Variants in LRRC4C observed in about 807,000 individuals in gnomAD.
LRRC4C encodes leucine-rich repeat-containing protein 4C.
A neutral mutation model predicts 33.6 loss-of-function variants in LRRC4C; 5 were observed. That is an observed-to-expected ratio of 0.15 (90% confidence interval 0.08 to 0.31). The LOEUF is 0.31. Among genes scored for constraint, LRRC4C ranks in the 10% least tolerant of loss-of-function variants. The pLI is 1.00. For synonymous variants in LRRC4C, 329 were observed against 302.0 expected, an observed-to-expected ratio of 1.09 and a Z score of -0.93; for missense variants, 560 against 796.7, an observed-to-expected ratio of 0.70 and a Z score of 3.58.
At chr11:41,111,277 A>G (rs967807207) in intron 1 of LRRC4C, among the ~76,000 whole-genome samples, 2 of 152,068 alleles carry the variant, frequency 1.3e-5, no homozygotes, top group African/African-American at 4.8e-5. Context: ...GCCTCTTTGC[A>G]GCTGTAAGTA....
chr11:40,701,278 T>C (rs2136487765), intron 2 of LRRC4C, among the ~76,000 whole-genome samples: 1 of 152,258 alleles, frequency 6.6e-6, no homozygotes, highest in South Asian at 2.1e-4. Context: ...TAAAGTTCTT[T>C]GATTATTTCC....
At chr11:40,441,261 G>A (rs902177816) in intron 3 of LRRC4C, among the ~76,000 whole-genome samples, 5 of 152,260 alleles carry the variant, frequency 3.3e-5, no homozygotes, top group South Asian at 4.1e-4. Context: ...TTGCTCAACT[G>A]CTCTCTTTGA....
chr11:40,514,046 T>C (rs558711186), intron 3 of LRRC4C, among the ~76,000 whole-genome samples: 2 of 152,278 alleles, frequency 1.3e-5, no homozygotes, highest in South Asian at 2.1e-4. Context: ...TATGTTCTTT[T>C]TTCTTTCTTT....
chr11:40,115,297 A>G lies in LRRC4C; in HGVS notation c.996T>C (p.Thr332=), dbSNP rs747563305. The change falls in exon 7 of 7, where the codon ACT becomes ACC. Residue 332 remains threonine (T), a synonymous_variant. Coordinates refer to ENST00000528697, the MANE Select transcript of LRRC4C (RefSeq NM_001258419.2). This position sits in a 1 kb window ranked among gnomAD's most constrained non-coding sequence, Gnocchi z 6.7. ...TGTACCTCCCCTTTAGATTGGGAGG[A>G]GTGTTACACCGGGCACAACAAGCTG... The part of the protein sequence containing the change: ...SNTACCARCN[T]PPNLKGRYIG... 6.2e-7 allele frequency: 1 copy of G among 1,614,058 alleles called. No homozygotes were observed.
chr11:40,833,466 A>T (rs1416900556), intron 2 of LRRC4C, among the ~76,000 whole-genome samples: 1 of 152,164 alleles, frequency 6.6e-6, no homozygotes, highest in Non-Finnish European at 1.5e-5. Flanking sequence ...TAATATAAAA[A>T]GTATCAATGA....
chr11:40,758,908 T>C (rs1028809680), intron 2 of LRRC4C, among the ~76,000 whole-genome samples: 1 of 151,786 alleles, frequency 6.6e-6, no homozygotes, highest in African/African-American at 2.4e-5. Flanking sequence ...AAATTCAGGA[T>C]CACAGAAAGA....
At chr11:40,814,536 G>A (rs1325194086) in intron 2 of LRRC4C, among the ~76,000 whole-genome samples, 1 of 152,034 alleles carries the variant, frequency 6.6e-6, no homozygotes, top group Non-Finnish European at 1.5e-5. Flanking sequence ...CCATTGTCTT[G>A]GTGATTCACA....
chr11:40,505,044 C>T (rs1462023680), intron 3 of LRRC4C, among the ~76,000 whole-genome samples: 1 of 151,974 alleles, frequency 6.6e-6, no homozygotes, highest in Non-Finnish European at 1.5e-5. Context: ...TTGTTTTTTT[C>T]TCCTTCATAC....
chr11:40,741,890 C>T (rs1266189100), intron 2 of LRRC4C, among the ~76,000 whole-genome samples: 3 of 151,836 alleles, frequency 2.0e-5, no homozygotes, highest in Non-Finnish European at 2.9e-5. Flanking sequence ...TTCATGATAG[C>T]CAAAGATAGA....
intron 2 of LRRC4C, among the ~76,000 whole-genome samples, chr11:40,655,817 T>G (rs373231470): frequency 2.8e-4 from 43 of 152,344 alleles, no homozygotes; most frequent in Middle Eastern, 3.4e-3. Context: ...CAAAGGATGT[T>G]TAATTGACTC....
intron 2 of LRRC4C, among the ~76,000 whole-genome samples, chr11:40,782,450 T>C (rs962212879): frequency 1.2e-4 from 19 of 152,038 alleles, no homozygotes; most frequent in African/African-American, 4.6e-4. Context: ...GCATACTTTT[T>C]TTTTTTTTCT....
At chr11:40,144,235 G>A (rs111582235) in intron 5 of LRRC4C, among the ~76,000 whole-genome samples, 9 of 152,160 alleles carry the variant, frequency 5.9e-5, no homozygotes, top group Non-Finnish European at 1.2e-4. Flanking sequence ...TAATGGAAAC[G>A]ATAATTATCT....
chr11:40,952,890 ACACACACTCTCTCT>A lies in LRRC4C; in HGVS notation c.-495-19181_-495-19168del, dbSNP rs1179678097. On this transcript the variant is annotated intron_variant, in intron 1 of 6. Transcript: ENST00000528697. The stretch of plus-strand genomic sequence containing the variant: ...CACACACACACACACACACACACAC[ACACACACTCTCTCT>A]CTCTCTCTCTCTCTCTCTCTTTCTC... Among the ~76,000 whole-genome samples, 12 of 50,472 alleles carry A rather than the reference ACACACACTCTCTCT, an allele frequency of 2.4e-4. No homozygotes were observed. The East Asian group carries it at 5.9e-3, about 25-fold the overall frequency. The allele number at this position is 50,472 out of a possible 152,430, so 33.1% of individuals were successfully genotyped here. A position where few individuals can be genotyped will look rare whatever the true frequency, so the allele number is the denominator to read the frequency against.
intron 6 of LRRC4C, among the ~76,000 whole-genome samples, chr11:40,138,113 C>T (rs1013109678): frequency 1.3e-5 from 2 of 152,090 alleles, no homozygotes; most frequent in Non-Finnish European, 2.9e-5. Flanking sequence ...CTTTTAGCCA[C>T]TGTACTGTGT....
intron 1 of LRRC4C, among the ~76,000 whole-genome samples, chr11:41,066,278 A>G (rs1938229556): frequency 6.6e-6 from 1 of 152,220 alleles, no homozygotes; most frequent in South Asian, 2.1e-4. Flanking sequence ...ATACACAAGT[A>G]TCAATAGCCG....
chr11:41,025,529 G>A (rs78840113), intron 1 of LRRC4C, among the ~76,000 whole-genome samples: 36 of 149,078 alleles, frequency 2.4e-4, no homozygotes, highest in South Asian at 8.4e-4. Context: ...TAAAAAAAAA[G>A]AAAAAAAAAA....
chr11:40,446,373 A>T (rs1029100734), intron 3 of LRRC4C: 3 of 152,178 alleles, frequency 2.0e-5, no homozygotes, highest in Admixed American at 6.5e-5. Flanking sequence ...CTCATGCCTC[A>T]TTACCAAACT....
intron 1 of LRRC4C, among the ~76,000 whole-genome samples, chr11:40,954,461 T>C (rs1958863413): frequency 6.6e-6 from 1 of 151,882 alleles, no homozygotes; most frequent in African/African-American, 2.4e-5. Context: ...GACCAACCTG[T>C]GCTGTCATTT....
At chr11:40,915,919 T>C (rs540890274) in intron 2 of LRRC4C, among the ~76,000 whole-genome samples, 35 of 152,290 alleles carry the variant, frequency 2.3e-4, no homozygotes, top group African/African-American at 8.4e-4. Flanking sequence ...AAGAAGACAT[T>C]TATGCAGCCA....
Sources: allele counts gnomAD v4.1 joint callset (sites outside exome capture counted in the v4.1 genomes callset), GRCh38; gene constraint gnomAD v4.1.1; non-coding constraint Gnocchi (gnomAD v3.1); transcripts MANE v1.5; gene names NCBI Gene and HGNC (gene_info 2026-07-23, HGNC 2026-07-21).